The following UBTF variants were observed in gnomAD, a reference collection of about 807,000 sequenced individuals.
The protein encoded by UBTF is upstream binding transcription factor, also known as nucleolar transcription factor 1.
UBTF carries 8 observed loss-of-function variants against 112.3 expected under a neutral mutation model. The ratio of observed to expected loss-of-function variants is 0.07; its 90% CI spans 0.04 to 0.13. UBTF has a LOEUF of 0.13. Ranked by LOEUF, UBTF falls within the 10% of genes least tolerant of loss-of-function variation. UBTF has a pLI of 1.00. For synonymous variants in UBTF, 417 were observed against 373.1 expected (o/e 1.12, Z -1.36); for missense variants, 457 against 982.1 (o/e 0.47, Z 7.15).
At chr17:44,216,072 C>T (rs2046829742) in intron 3 of UBTF, 83 bp from the exon 4 acceptor site, 9 of 1,093,736 alleles carry the variant, frequency 8.2e-6, no homozygotes. Context: ...TATAACGGGT[C>T]TCTTCTACTC....
At position 44,207,281 on chromosome 17, in the gene UBTF, G is replaced by A; in HGVS notation, c.2256C>T (p.Ser752=). The change falls in exon 21 of 21, where the codon TCC becomes TCT. Residue 752 remains serine (S), a synonymous_variant. Transcript: ENST00000436088. ...DNESEGSSSS[S]SSSGDSSDSD... ...AGTCTGAGGAGTCCCCTGAGGAGGAGGAGCTGGAGCTGCTGCCCTCGGACT... is the reference window on the plus strand; with the variant it reads ...AGTCTGAGGAGTCCCCTGAGGAGGAAGAGCTGGAGCTGCTGCCCTCGGACT... 6.2e-7 allele frequency: 1 copy of A among 1,613,520 alleles called. No individual in the cohort carries two copies. The highest frequency in any genetic ancestry group is 8.5e-7 in the Non-Finnish European group (1 of 1,179,840).
rs757463776 is a variant in UBTF at position 44,207,865 on chromosome 17, T to C, written c.1952A>G (p.Asn651Ser). The C allele has an allele frequency of 4.3e-6, 7 of 1,614,048 alleles. No individual in the cohort carries two copies. Among genetic ancestry groups the C allele is most frequent in the Non-Finnish European group, 5.9e-6 (7 of 1,180,008 alleles). The change falls in exon 18 of 21, where the codon AAT becomes AGT. Residue 651 changes from asparagine to serine, a missense_variant and splice_region_variant. Physicochemically the swap from Asn to Ser is conservative, Grantham distance 46. Around this residue, in one of 7 missense-constraint regions of UBTF, gnomAD observed 139 missense variants for 157.5 expected, o/e 0.88. Transcript: ENST00000436088. Reference sequence around the variant, plus strand: ...CTGCTGCTCTGCTCCCAGACTCACATTGGAGATGTACTCTTTATATGCTGC... The same window carrying C: ...CTGCTGCTCTGCTCCCAGACTCACACTGGAGATGTACTCTTTATATGCTGC... ...DRAAYKEYIS[N>S]KRKSMTKLRG...
At chr17:44,220,113 C>T (rs1037732591), upstream of UBTF, among the ~76,000 whole-genome samples, 10 of 148,038 alleles carry the variant, frequency 6.8e-5, no homozygotes, top group Middle Eastern at 3.6e-3. Flanking sequence ...CAGGGAGACA[C>T]GCAGCCGCCC....
chr17:44,210,997 G>C, intron 12 of UBTF, 42 bp downstream of exon 12: 1 of 1,601,636 alleles, frequency 6.2e-7, no homozygotes, highest in East Asian at 2.2e-5. Context: ...AGGGAGCCCA[G>C]TCTTGCCCAC....
At chr17:44,214,948 G>A (rs1598257114) in intron 5 of UBTF, among the ~76,000 whole-genome samples, 1 of 152,256 alleles carries the variant, frequency 6.6e-6, no homozygotes, top group East Asian at 1.9e-4. Context: ...TCTCTGGGAG[G>A]GACCTCCTGA....
Position 44,216,715 on chromosome 17 carries a change from G to A in UBTF, c.59-11C>T. On this transcript the variant is annotated splice_polypyrimidine_tract_variant and intron_variant, in intron 2 of 20. Transcript: ENST00000436088. ...CCTGGGACCAACGGTCTGGTAAAGA[G>A]TAACAGAGGCCATCATGCCTGGCTC... is the stretch of plus-strand genomic sequence containing the variant. 2 of 1,613,850 alleles carry A rather than the reference G, an allele frequency of 1.2e-6. No individual in the cohort carries two copies. The highest frequency in any genetic ancestry group is 1.7e-6 in the Non-Finnish European group (2 of 1,179,818).
chr17:44,216,145 G>A (rs1241424792), intron 3 of UBTF, 156 bp from the exon 4 acceptor site: 3 of 680,938 alleles, frequency 4.4e-6, no homozygotes, highest in African/African-American at 1.8e-5. Flanking sequence ...CAGGCAGCAT[G>A]ACACCCAGGC....
intron 7 of UBTF, 51 bp from the exon 8 acceptor site, chr17:44,212,505 GGGGGGAAGGGGGAA>G: frequency 9.5e-7 from 1 of 1,049,224 alleles, no homozygotes; most frequent in Admixed American, 2.0e-5. Context: ...GGCAGGGGGA[GGGGGGAAGGGGGAA>G]GGGGGCACAG....
At chr17:44,220,873 G>T, upstream of UBTF, 1 of 152,126 alleles carries the variant, frequency 6.6e-6, no homozygotes, top group South Asian at 1.9e-4. Flanking sequence ...GAAGCGGAGC[G>T]ACGGCTAATG....
chr17:44,209,230 G>T, intron 17 of UBTF, 122 bp downstream of exon 17: 1 of 997,316 alleles, frequency 1.0e-6, no homozygotes. Context: ...AGGATTGCGA[G>T]GGCATGGAAT....
At chr17:44,217,972 G>A (rs2046931176) in intron 2 of UBTF, among the ~76,000 whole-genome samples, 200 bp downstream of exon 2, 1 of 152,196 alleles carries the variant, frequency 6.6e-6, no homozygotes, top group Admixed American at 6.5e-5. Flanking sequence ...AGAGAGGGGA[G>A]GTGAGCCACT....
rs2056220465 is a variant in UBTF, at chr17:44,205,968, A to C, written c.*1274T>G. ...GGGGGAGGAGGGAGCAGACCTGAGA[A>C]ATTAAAGGAAATAGGGGGTGGTGGG... On this transcript the variant is annotated 3_prime_UTR_variant, in exon 21 of 21. Transcript: ENST00000436088. 1 of 152,032 alleles carries C rather than the reference A, an allele frequency of 6.6e-6. No homozygotes were observed. The highest frequency in any genetic ancestry group is 1.5e-5 in the Non-Finnish European group (1 of 68,010). The allele number at this position is 152,032 out of a possible 1,614,324, so 9.4% of individuals were successfully genotyped here. A position where few individuals can be genotyped will look rare whatever the true frequency, so the allele number is the denominator to read the frequency against.
rs2056658837 is a variant in UBTF at position 44,211,259 on chromosome 17, C to T, written c.1089+31G>A. 3.1e-6 allele frequency: 5 copies of T among 1,614,084 alleles called. No homozygotes were observed. The highest frequency in any genetic ancestry group is 4.2e-6 in the Non-Finnish European group (5 of 1,180,038). ...TCTGCCTGCCAAGTCCCAGTCTTCTCTGCCCACTGCCCCACCGGAGGAACA... is the reference window on the plus strand; with the variant it reads ...TCTGCCTGCCAAGTCCCAGTCTTCTTTGCCCACTGCCCCACCGGAGGAACA... On this transcript the variant is annotated intron_variant, in intron 11 of 20. Transcript: ENST00000436088. The surrounding 1 kb of genome is among the most constrained non-coding windows in gnomAD (Gnocchi z 4.9).
chr17:44,217,543 G>A (rs1041929054), intron 2 of UBTF, among the ~76,000 whole-genome samples: 4 of 152,266 alleles, frequency 2.6e-5, no homozygotes, highest in African/African-American at 9.6e-5. Context: ...AGTCAAAAGG[G>A]CTCTCCATTT....
rs2056573368 is a variant in UBTF at position 44,210,360 on chromosome 17, G to T, written c.1473C>A (p.Ile491=). ...LPESPKRAEE[I]WQQSVIGDYL... ...AGTCGCCGATAACGCTCTGTTGCCA[G>T]ATCTCCTCAGCTCTTTTGGGGGACT... Residue 491 remains isoleucine (I), a synonymous_variant, in exon 14 of 21, where the codon ATC becomes ATA. Transcript: ENST00000436088. 1 of 1,614,224 alleles carries T rather than the reference G, an allele frequency of 6.2e-7. No individual in the cohort carries two copies. The highest frequency in any genetic ancestry group is 8.5e-7 in the Non-Finnish European group (1 of 1,180,046).
At chr17:44,212,580 G>T in intron 7 of UBTF, 126 bp from the exon 8 acceptor site, 2 of 1,030,418 alleles carry the variant, frequency 1.9e-6, no homozygotes, top group Non-Finnish European at 2.8e-6. Flanking sequence ...TCCCCCACAG[G>T]CCAGGAGGGG....
chr17:44,216,601 G>A lies in UBTF; in HGVS notation c.162C>T (p.Asp54=). ...AGTCTTTAAATGCTACTTTTTCCCA[G>A]TCCATGTGTGATTCGGTGGTTTTGA... ...SKFKTTESHM[D]WEKVAFKDFS... The change falls in exon 3 of 21, where the codon GAC becomes GAT. Residue 54 remains aspartate (D), a synonymous_variant. Transcript: ENST00000436088. 1 of 1,614,198 alleles carries A rather than the reference G, an allele frequency of 6.2e-7. No homozygotes were observed. The highest frequency in any genetic ancestry group is 2.2e-5 in the East Asian group (1 of 44,884).
At chr17:44,212,558 G>T (rs1257176485) in intron 7 of UBTF, 104 bp from the exon 8 acceptor site, 2 of 1,052,610 alleles carry the variant, frequency 1.9e-6, no homozygotes, top group Non-Finnish European at 2.8e-6. Context: ...GCCATGGGAG[G>T]TCACATCAGT....
chr17:44,209,802 C>A (rs373268043), intron 15 of UBTF, 69 bp from the exon 16 acceptor site: 3 of 1,504,882 alleles, frequency 2.0e-6, no homozygotes, highest in Non-Finnish European at 9.1e-7. Context: ...CTGCCTCATG[C>A]CATCAGCACC....
Sources: allele counts gnomAD v4.1 joint callset (sites outside exome capture counted in the v4.1 genomes callset), GRCh38; gene constraint gnomAD v4.1.1; regional missense constraint gnomAD v4.1.1; non-coding constraint Gnocchi (gnomAD v3.1); transcripts MANE v1.5; gene names NCBI Gene and HGNC (gene_info 2026-07-23, HGNC 2026-07-21).